Variants in ATAD3C observed in about 807,000 individuals in gnomAD.
ATAD3C encodes ATPase family AAA domain-containing protein 3C.
ATAD3C carries 38 observed loss-of-function variants against 46.3 expected under a neutral mutation model. That is an observed-to-expected ratio of 0.82 (90% confidence interval 0.63 to 1.08). The LOEUF (loss-of-function observed/expected upper bound fraction) is 1.08. Among genes scored for constraint, ATAD3C ranks in the 50% least tolerant of loss-of-function variants. ATAD3C has a pLI of 0.00. For synonymous variants in ATAD3C, 220 were observed against 236.4 expected (o/e 0.93, Z 0.63); for missense variants, 563 against 572.7 (o/e 0.98, Z 0.17).
At chr1:1,466,725 T>C (rs1213819313) in intron 11 of ATAD3C, among the ~76,000 whole-genome samples, 1 of 151,870 alleles carries the variant, frequency 6.6e-6, no homozygotes, top group Non-Finnish European at 1.5e-5. Context: ...TAAATCCTGC[T>C]TGGTCAGGGT....
At chr1:1,450,784 A>T (rs778107075) in intron 1 of ATAD3C, 26 bp downstream of exon 1, 10 of 1,611,340 alleles carry the variant, frequency 6.2e-6, no homozygotes, top group Non-Finnish European at 8.5e-6. Flanking sequence ...GTGGGCGGGG[A>T]GGCCGGGGCA....
At chr1:1,453,034 C>T (rs755257791) in intron 3 of ATAD3C, among the ~76,000 whole-genome samples, 20 of 152,012 alleles carry the variant, frequency 1.3e-4, no homozygotes, top group Admixed American at 9.9e-4. Context: ...AGTAGGTCCC[C>T]GGCACTGAGT....
rs1414090097 is a variant in ATAD3C, at chr1:1,455,799, G to A, written c.447G>A (p.Leu149=). 1 of 1,613,384 alleles carries A rather than the reference G, an allele frequency of 6.2e-7. No homozygotes were observed. ...VLEGVVLSPS[L]EARVRDIAIM... Reference sequence around the variant, plus strand: ...CCTGTCTTCCTCGGCAGCCCAGCCTGGAAGCACGGGTGCGCGACATCGCCA... The same window carrying A: ...CCTGTCTTCCTCGGCAGCCCAGCCTAGAAGCACGGGTGCGCGACATCGCCA... Residue 149 remains leucine (L), a synonymous_variant, in exon 6 of 12, where the codon CTG becomes CTA. Coordinates refer to ENST00000378785, the MANE Select transcript of ATAD3C (RefSeq NM_001039211.3).
intron 1 of ATAD3C, among the ~76,000 whole-genome samples, chr1:1,451,611 G>A (rs1638860233): frequency 6.6e-6 from 1 of 152,260 alleles, no homozygotes; most frequent in East Asian, 1.9e-4. Context: ...CTCCCAAAGT[G>A]CTGGGATTAC....
chr1:1,468,369 C>T lies in ATAD3C; in HGVS notation c.1090-15C>T. 3.8e-6 allele frequency: 6 copies of T among 1,599,982 alleles called. 1 individual carries two copies. The highest frequency in any genetic ancestry group is 5.1e-6 in the Non-Finnish European group (6 of 1,174,586). On this transcript the variant is annotated splice_polypyrimidine_tract_variant and intron_variant, in intron 11 of 11. Transcript: ENST00000378785. ...TCCCATGGCGGCCTCCCTCAGCTCC[C>T]TCTCTCCCCACTAGGCCACGGCGTA...
At chr1:1,451,079 C>T (rs1225717790) in intron 1 of ATAD3C, among the ~76,000 whole-genome samples, 5 of 150,520 alleles carry the variant, frequency 3.3e-5, no homozygotes, top group Non-Finnish European at 5.9e-5. Context: ...CTTGCTCTGT[C>T]GCCCAGGCTG....
At chr1:1,461,643 A>G (rs147067488) in intron 10 of ATAD3C, among the ~76,000 whole-genome samples, 10 of 111,612 alleles carry the variant, frequency 9.0e-5, no homozygotes, top group East Asian at 5.3e-4. Context: ...ACCCCCATGT[A>G]GGGACTGGAG....
At position 1,460,933 on chromosome 1, in the gene ATAD3C, C is replaced by A; in HGVS notation, c.980+16C>A. On this transcript the variant is annotated intron_variant, in intron 10 of 11. Coordinates refer to ENST00000378785, the MANE Select transcript of ATAD3C (RefSeq NM_001039211.3). The stretch of plus-strand genomic sequence containing the variant: ...AAGGAAAGCGGTAAGTGTCCCGCCC[C>A]ACCAGCCCCCGTCCAGGGGCCCTCG... 2 of 1,593,180 alleles carry A rather than the reference C, an allele frequency of 1.3e-6. No individual in the cohort carries two copies. The highest frequency in any genetic ancestry group is 2.3e-5 in the South Asian group (2 of 87,400).
In ATAD3C at chr1:1,450,583, T is replaced by C; in HGVS notation, c.-101T>C. 1.4e-6 allele frequency: 2 copies of C among 1,456,578 alleles called. No homozygotes were observed. Among genetic ancestry groups the C allele is most frequent in the Non-Finnish European group, 1.9e-6 (2 of 1,064,124 alleles). 90.2% of individuals were successfully genotyped at this position (1,456,578 alleles called of 1,614,324 possible). A position where few individuals can be genotyped will look rare whatever the true frequency, so the allele number is the denominator to read the frequency against. On this transcript the variant is annotated 5_prime_UTR_variant, in exon 1 of 12. Coordinates refer to ENST00000378785, the MANE Select transcript of ATAD3C (RefSeq NM_001039211.3). ...GGCTGGGGGCTTTGAGGTCGAGGCGTGGCCGTGGATTCCAGAAAGCCCCTT... is the reference window on the plus strand; with the variant it reads ...GGCTGGGGGCTTTGAGGTCGAGGCGCGGCCGTGGATTCCAGAAAGCCCCTT...
In ATAD3C at chr1:1,454,420, G is replaced by C; in HGVS notation, c.298G>C (p.Glu100Gln). The C allele has an allele frequency of 1.2e-6, 2 of 1,609,316 alleles. No individual in the cohort carries two copies. Among genetic ancestry groups the C allele is most frequent in the Admixed American group, 3.3e-5 (2 of 59,718 alleles). Residue 100 changes from glutamate (E) to glutamine (Q), a missense_variant, in exon 4 of 12, where the codon GAG (glutamate) becomes CAG (glutamine). Transcript: ENST00000378785. ...NATAVTGRYI[E>Q]ARLGKPSLVR... Reference sequence around the variant, plus strand: ...GACAGCCGTCACTGGCCGCTACATCGAGGCTCGGCTGGGGAAGCCGTCCCT... The same window carrying C: ...GACAGCCGTCACTGGCCGCTACATCCAGGCTCGGCTGGGGAAGCCGTCCCT...
intron 7 of ATAD3C, among the ~76,000 whole-genome samples, chr1:1,456,605 A>AG (rs1469717911): frequency 1.3e-5 from 2 of 151,622 alleles, no homozygotes; most frequent in Admixed American, 6.6e-5. Flanking sequence ...GGGTGGGTGC[A>AG]GGGGGAGAGG....
At chr1:1,454,732 G>A (rs1477514482) in intron 4 of ATAD3C, among the ~76,000 whole-genome samples, 2 of 151,764 alleles carry the variant, frequency 1.3e-5, no homozygotes, top group East Asian at 3.9e-4. Context: ...CTCTTGATGG[G>A]GCCTGGGAGC....
At position 1,470,106 on chromosome 1, in the gene ATAD3C, T is replaced by C. The variant is rs1161759184; in HGVS notation, c.*1576T>C. The C allele has an allele frequency of 6.6e-6, 1 of 152,014 alleles. No individual in the cohort carries two copies. The highest frequency in any genetic ancestry group is 1.5e-5 in the Non-Finnish European group (1 of 68,004). 9.4% of individuals were successfully genotyped at this position (152,014 alleles called of 1,614,324 possible). ...TCCCACCACCCTTTGCTGACTCTCT[T>C]TTTGAACTCAGCCCGCCTGCACCCA... On this transcript the variant is annotated 3_prime_UTR_variant, in exon 12 of 12. Transcript: ENST00000378785.
At chr1:1,460,108 T>C (rs1639031449) in intron 9 of ATAD3C, among the ~76,000 whole-genome samples, 1 of 151,246 alleles carries the variant, frequency 6.6e-6, no homozygotes, top group African/African-American at 2.4e-5. Context: ...TTTTTGCTTT[T>C]TCTGCCCAGG....
intron 11 of ATAD3C, among the ~76,000 whole-genome samples, chr1:1,466,787 C>G (rs112916475): frequency 0.031 from 4,645 of 151,824 alleles, 269 homozygotes; most frequent in African/African-American, 0.11. Context: ...ATTTTCTTGA[C>G]GACTTTTCCA....
chr1:1,462,147 C>A lies in ATAD3C; in HGVS notation c.981-453C>A, dbSNP rs1000252541. ...AGAGAGCCTGGTTCTCCCCTGCCGA[C>A]CCCTCCACTGCCGCCTGCTCCATGC... On this transcript the variant is annotated intron_variant, in intron 10 of 11. Transcript: ENST00000378785. The surrounding 1 kb of genome is among the most constrained non-coding windows in gnomAD (Gnocchi z 4.5). Among the ~76,000 whole-genome samples the A allele has an allele frequency of 6.6e-6, 1 of 152,090 alleles. No individual in the cohort carries two copies. The highest frequency in any genetic ancestry group is 2.4e-5 in the African/African-American group (1 of 41,430).
intron 5 of ATAD3C, 47 bp from the exon 6 acceptor site, chr1:1,455,744 T>A (rs1266556328): frequency 6.2e-7 from 1 of 1,609,460 alleles, no homozygotes; most frequent in Non-Finnish European, 8.5e-7. Flanking sequence ...CCCCGAGGCT[T>A]CTGTGGGTGC....
chr1:1,452,853 C>T (rs1281292968), intron 3 of ATAD3C, among the ~76,000 whole-genome samples: 4 of 151,816 alleles, frequency 2.6e-5, no homozygotes, highest in Non-Finnish European at 5.9e-5. Flanking sequence ...GACCCTGACT[C>T]CATTTTGCAA....
In ATAD3C at chr1:1,459,958, C is replaced by G. The variant is rs11488467; in HGVS notation, c.812+727C>G. 1.1e-3 allele frequency among the ~76,000 whole-genome samples: 161 copies of G among 152,118 alleles called. 1 individual carries two copies. Among genetic ancestry groups the G allele is most frequent in the Non-Finnish European group, 2.0e-3 (135 of 67,978 alleles). On this transcript the variant is annotated intron_variant, in intron 9 of 11. Coordinates refer to ENST00000378785, the MANE Select transcript of ATAD3C (RefSeq NM_001039211.3). The surrounding 1 kb of genome is among the most constrained non-coding windows in gnomAD (Gnocchi z 4.9). ...TCCTGGGTCAGCTGCTGCCGGTAGA[C>G]GCTCCCTGGAGCCCTGACTCGGGTC...
Sources: gnomAD v4.1 joint callset for allele counts (sites outside exome capture counted in the v4.1 genomes callset) on GRCh38, gnomAD v4.1.1 for gene constraint, Gnocchi (gnomAD v3.1) non-coding constraint, MANE v1.5 for transcripts, NCBI Gene and HGNC (gene_info 2026-07-23, HGNC 2026-07-21) for gene names.